DNAH6: variants seen among roughly 807,000 people sequenced by gnomAD.
DNAH6 encodes the protein dynein axonemal heavy chain 6.
In DNAH6, 340 loss-of-function variants were observed where a neutral mutation model predicts 491.4. The observed-to-expected ratio is 0.69, with a 90% confidence interval of 0.63 to 0.76. The LOEUF is 0.76. Among genes scored for constraint, DNAH6 ranks in the 30% least tolerant of loss-of-function variants. DNAH6 has a pLI of 0.00. For synonymous variants in DNAH6, 1,603 were observed against 1,686.1 expected (o/e 0.95, Z 1.21); for missense variants, 4,443 against 4,972.2 (o/e 0.89, Z 3.20).
At chr2:84,654,519 C>A in intron 34 of DNAH6, 141 bp from the exon 35 acceptor site, 1 of 1,091,114 alleles carries the variant, frequency 9.2e-7, no homozygotes, top group Non-Finnish European at 1.3e-6. Context: ...ACTTATTGCT[C>A]TCCCACTCTC....
chr2:84,721,868 AG>A (rs1698195769), intron 59 of DNAH6, among the ~76,000 whole-genome samples: 1 of 152,120 alleles, frequency 6.6e-6, no homozygotes, highest in African/African-American at 2.4e-5. Context: ...TAGAGAGAAA[AG>A]GATTTCCCAA....
intron 15 of DNAH6, among the ~76,000 whole-genome samples, chr2:84,585,113 A>G (rs542448454): frequency 2.2e-4 from 33 of 152,228 alleles, no homozygotes; most frequent in Non-Finnish European, 4.1e-4. Flanking sequence ...CAGTGTTCGA[A>G]GGACTTGGCA....
the DNAH6 span, among the ~76,000 whole-genome samples, chr2:84,480,727 C>T: frequency 6.6e-6 from 1 of 152,172 alleles, no homozygotes; most frequent in African/African-American, 2.4e-5. Context: ...CTTTGGGAGG[C>T]CAAGGCGGGT....
At chr2:84,467,222 C>T in the DNAH6 span, among the ~76,000 whole-genome samples, 1 of 152,156 alleles carries the variant, frequency 6.6e-6, no homozygotes, top group Non-Finnish European at 1.5e-5. Flanking sequence ...TAACTTAAAA[C>T]AATCCTTTAA....
At chr2:84,714,065 A>C (rs1373097528) in intron 57 of DNAH6, among the ~76,000 whole-genome samples, 1 of 152,158 alleles carries the variant, frequency 6.6e-6, no homozygotes, top group East Asian at 1.9e-4. Flanking sequence ...CTCCCTGGCC[A>C]CAATCCCCCT....
intron 29 of DNAH6, among the ~76,000 whole-genome samples, chr2:84,630,943 A>G (rs1688341163): frequency 6.6e-6 from 1 of 152,174 alleles, no homozygotes; most frequent in Non-Finnish European, 1.5e-5. Flanking sequence ...TATGTTTGAA[A>G]TTTTTCAAAA....
At chr2:84,665,557 T>C (rs1358799370) in intron 37 of DNAH6, among the ~76,000 whole-genome samples, 3 of 152,152 alleles carry the variant, frequency 2.0e-5, no homozygotes, top group Admixed American at 6.5e-5. Context: ...CAGGAAGAAG[T>C]TGAATCCCTG....
At chr2:84,645,743 A>G (rs1689835338) in intron 33 of DNAH6, among the ~76,000 whole-genome samples, 1 of 152,206 alleles carries the variant, frequency 6.6e-6, no homozygotes, top group African/African-American at 2.4e-5. Context: ...TTGAGCTCCT[A>G]GAGGTAAAAC....
At chr2:84,610,029 G>A (rs1686174797) in intron 21 of DNAH6, among the ~76,000 whole-genome samples, 1 of 152,238 alleles carries the variant, frequency 6.6e-6, no homozygotes, top group South Asian at 2.1e-4. Flanking sequence ...GTCTCACAAG[G>A]TTGCAATCAA....
intron 33 of DNAH6, among the ~76,000 whole-genome samples, chr2:84,650,484 C>T: frequency 6.6e-6 from 1 of 150,554 alleles, no homozygotes; most frequent in East Asian, 1.9e-4. Flanking sequence ...TCTAAAATTT[C>T]TAATAGGCTC....
intron 11 of DNAH6, among the ~76,000 whole-genome samples, chr2:84,568,252 T>C (rs1445263320): frequency 6.6e-6 from 1 of 152,274 alleles, no homozygotes; most frequent in East Asian, 1.9e-4. Flanking sequence ...TTCATTCTAT[T>C]ATAAAGATAT....
chr2:84,534,434 GC>G (rs879472667), intron 4 of DNAH6, among the ~76,000 whole-genome samples: 4 of 152,102 alleles, frequency 2.6e-5, no homozygotes, highest in African/African-American at 4.8e-5. Context: ...ACACAACACA[GC>G]CTCTGCCACC....
chr2:84,794,975 A>T (rs1162431068), intron 68 of DNAH6, among the ~76,000 whole-genome samples: 1 of 151,130 alleles, frequency 6.6e-6, no homozygotes, highest in Non-Finnish European at 1.5e-5. Context: ...TGGCACATAT[A>T]CACCATGGAA....
the DNAH6 span, among the ~76,000 whole-genome samples, chr2:84,509,434 T>G: frequency 6.6e-6 from 1 of 152,230 alleles, no homozygotes; most frequent in African/African-American, 2.4e-5. Flanking sequence ...TTGGTAGATC[T>G]TCCTCCATCC....
At chr2:84,695,741 G>T (rs1382793725) in intron 46 of DNAH6, among the ~76,000 whole-genome samples, 1 of 151,970 alleles carries the variant, frequency 6.6e-6, no homozygotes, top group African/African-American at 2.4e-5. Context: ...GATTTTTATT[G>T]TCTAGTTGCT....
intron 11 of DNAH6, among the ~76,000 whole-genome samples, chr2:84,564,332 G>A (rs1044258676): frequency 6.6e-6 from 1 of 152,074 alleles, no homozygotes; most frequent in African/African-American, 2.4e-5. Context: ...CCACGAGCAT[G>A]GAATCTTTTT....
intron 5 of DNAH6, among the ~76,000 whole-genome samples, chr2:84,546,488 T>C (rs558021242): frequency 7.9e-5 from 12 of 152,348 alleles, no homozygotes; most frequent in African/African-American, 2.9e-4. Context: ...TCCATGACTC[T>C]GGAACCCGAG....
chr2:84,554,365 A>G (rs1679815704), intron 10 of DNAH6, among the ~76,000 whole-genome samples: 2 of 152,192 alleles, frequency 1.3e-5, no homozygotes, highest in African/African-American at 2.4e-5. Context: ...GGGATTGAAC[A>G]GCATATGTAC....
At chr2:84,693,735 C>CA (rs33923012) in intron 45 of DNAH6, among the ~76,000 whole-genome samples, 16,668 of 133,602 alleles carry the variant, frequency 0.12, 1,633 homozygotes, top group African/African-American at 0.29. Flanking sequence ...GACTCTATCT[C>CA]AAAAAAAAAA....
Sources: gnomAD v4.1 joint callset for allele counts (sites outside exome capture counted in the v4.1 genomes callset) on GRCh38, gnomAD v4.1.1 for gene constraint, MANE v1.5 for transcripts, NCBI Gene and HGNC (gene_info 2026-07-23, HGNC 2026-07-21) for gene names.